Variants in SPTA1 observed in about 807,000 individuals in gnomAD.
The protein encoded by SPTA1 is spectrin alpha chain, erythrocytic 1.
In SPTA1, 177 loss-of-function variants were observed where a neutral mutation model predicts 324.7. The ratio of observed to expected loss-of-function variants is 0.55; its 90% CI spans 0.48 to 0.62. The LOEUF is 0.62. Among genes scored for constraint, SPTA1 ranks in the 20% least tolerant of loss-of-function variants. SPTA1 has a pLI of 0.00. For synonymous variants in SPTA1, 1,195 were observed against 1,041.3 expected (o/e 1.15, Z -2.84); for missense variants, 3,162 against 2,883.6 (o/e 1.10, Z -2.21).
chr1:158,619,049 G>T, intron 45 of SPTA1, 173 bp downstream of exon 45: 2 of 701,368 alleles, frequency 2.9e-6, no homozygotes, highest in Admixed American at 4.3e-5. Flanking sequence ...GGTTTTCCAA[G>T]AATTGATTCA....
rs999166912 is a variant in SPTA1, at chr1:158,626,852, TACC to T, written c.5817_5819del (p.Val1940del). The T allele has an allele frequency of 6.2e-7, 1 of 1,613,640 alleles. No individual in the cohort carries two copies. The highest frequency in any genetic ancestry group is 8.5e-7 in the Non-Finnish European group (1 of 1,179,698). ...GACACATCATACCTATCCAAGCCTCTACCACATCAGCCTTCCAGTTGAATTCCT... is the reference window on the plus strand; with the variant it reads ...GACACATCATACCTATCCAAGCCTCTACATCAGCCTTCCAGTTGAATTCCT... On this transcript the variant is annotated inframe_deletion, in exon 41 of 52. Transcript: ENST00000643759.
chr1:158,611,055 T>G lies in SPTA1; in HGVS notation c.*209A>C, dbSNP rs1220228862. 4 of 627,844 alleles carry G rather than the reference T, an allele frequency of 6.4e-6. No individual in the cohort carries two copies. The Admixed American group carries it at 1.1e-4, about 17-fold the overall frequency. The allele number at this position is 627,844 out of a possible 1,614,324, so 38.9% of individuals were successfully genotyped here. ...ACAAAATAGCTTCCACTCCTCCAAC[T>G]CTATTAACCTTTCTATCTCCCACCC... On this transcript the variant is annotated 3_prime_UTR_variant, in exon 52 of 52. Coordinates refer to ENST00000643759, the MANE Select transcript of SPTA1 (RefSeq NM_003126.4).
At chr1:158,654,959 C>CCCA (rs1439846115) in intron 20 of SPTA1, among the ~76,000 whole-genome samples, 1 of 151,964 alleles carries the variant, frequency 6.6e-6, no homozygotes, top group African/African-American at 2.4e-5. Flanking sequence ...GAACTATAAA[C>CCCA]CCAAAGCAAG....
At chr1:158,669,883 T>C in intron 12 of SPTA1, 97 bp from the exon 13 acceptor site, 1 of 1,202,530 alleles carries the variant, frequency 8.3e-7, no homozygotes, top group South Asian at 1.2e-5. Context: ...AGAACAGCAA[T>C]GTGGGAGGAG....
At chr1:158,617,976 T>C in intron 46 of SPTA1, 63 bp downstream of exon 46, 6 of 1,492,230 alleles carry the variant, frequency 4.0e-6, no homozygotes, top group Non-Finnish European at 5.6e-6. Flanking sequence ...ACTAACTCTT[T>C]CTTAACGAAT....
intron 47 of SPTA1, among the ~76,000 whole-genome samples, chr1:158,615,625 C>T (rs2779116): frequency 0.27 from 40,458 of 151,956 alleles, 5,551 homozygotes; most frequent in East Asian, 0.44. Flanking sequence ...TATTCTGCAA[C>T]ATATAAATCT....
At chr1:158,633,361 G>A (rs1571405103) in intron 39 of SPTA1, among the ~76,000 whole-genome samples, 1 of 152,126 alleles carries the variant, frequency 6.6e-6, no homozygotes, top group Non-Finnish European at 1.5e-5. Context: ...AACTGCATGT[G>A]AATCTATAAT....
At chr1:158,630,499 T>C (rs1414697924) in intron 39 of SPTA1, among the ~76,000 whole-genome samples, 1 of 152,096 alleles carries the variant, frequency 6.6e-6, no homozygotes, top group African/African-American at 2.4e-5. Flanking sequence ...CAAAATTGTT[T>C]AAAGACTTAA....
At position 158,668,075 on chromosome 1, in the gene SPTA1, GAA is replaced by G. The variant is rs3039789; in HGVS notation, c.1834-15_1834-14del. On this transcript the variant is annotated splice_polypyrimidine_tract_variant and intron_variant, in intron 14 of 51. Transcript: ENST00000643759. Reference sequence around the variant, plus strand: ...AGTTCTGTATGTCCTGAGATAAGATGAAAAAAAAAAAAAAAACCATTACCTGA... The same window carrying G: ...AGTTCTGTATGTCCTGAGATAAGATGAAAAAAAAAAAAAACCATTACCTGA... 0.049 allele frequency: 69,846 copies of G among 1,417,460 alleles called. 563 individuals are homozygous for G. The highest frequency in any genetic ancestry group is 0.16 in the African/African-American group (10,955 of 67,086). The allele number at this position is 1,417,460 out of a possible 1,614,324, so 87.8% of individuals were successfully genotyped here.
rs201170630 is a variant in SPTA1, at chr1:158,670,884, G to GA, written c.1599+458dup. Among the ~76,000 whole-genome samples, 3 of 149,322 alleles carry GA rather than the reference G, an allele frequency of 2.0e-5. No individual in the cohort carries two copies. The East Asian group carries it at 5.8e-4, about 29-fold the overall frequency. ...AAGATATTGCTAGAGAGGAAGAAATGAAAAAAAATAAAATTTCTAAGTAAT... is the reference window on the plus strand; with the variant it reads ...AAGATATTGCTAGAGAGGAAGAAATGAAAAAAAAATAAAATTTCTAAGTAAT... On this transcript the variant is annotated intron_variant, in intron 12 of 51. Coordinates refer to ENST00000643759, the MANE Select transcript of SPTA1 (RefSeq NM_003126.4).
At chr1:158,643,091 A>G in intron 31 of SPTA1, 115 bp from the exon 32 acceptor site, 2 of 1,424,348 alleles carry the variant, frequency 1.4e-6, no homozygotes, top group Admixed American at 2.0e-5. Flanking sequence ...ACATAGTCTT[A>G]TTATTTTCAT....
chr1:158,630,705 C>A (rs1307802491), intron 39 of SPTA1, among the ~76,000 whole-genome samples: 1 of 151,792 alleles, frequency 6.6e-6, no homozygotes, highest in African/African-American at 2.4e-5. Context: ...AAAGGCAGCC[C>A]ACTGAATGAG....
rs1177353050 is a variant in SPTA1, at chr1:158,659,595, A to ATTTTTTTTTTTTTTTTTTT, written c.2587+1673_2587+1691dup. ...AAAAGAAAATAATAGTCTTAGCATT[A>ATTTTTTTTTTTTTTTTTTT]TTTTTTTTTTTTTTTTTTTTTTTTT... On this transcript the variant is annotated intron_variant, in intron 18 of 51. Coordinates refer to ENST00000643759, the MANE Select transcript of SPTA1 (RefSeq NM_003126.4). Among the ~76,000 whole-genome samples the ATTTTTTTTTTTTTTTTTTT allele has an allele frequency of 1.0e-4, 7 of 68,780 alleles. 1 individual carries two copies. The highest frequency in any genetic ancestry group is 1.7e-4 in the Non-Finnish European group (5 of 30,036). The allele number at this position is 68,780 out of a possible 152,430, so 45.1% of individuals were successfully genotyped here. A position where few individuals can be genotyped will look rare whatever the true frequency, so the allele number is the denominator to read the frequency against.
intron 15 of SPTA1, among the ~76,000 whole-genome samples, chr1:158,667,639 C>A (rs762551425): frequency 2.0e-5 from 3 of 151,990 alleles, no homozygotes; most frequent in Non-Finnish European, 2.9e-5. Context: ...TTTTTAAAAA[C>A]CTTACACCCT....
intron 39 of SPTA1, 92 bp from the exon 40 acceptor site, chr1:158,627,815 G>T (rs987208827): frequency 2.4e-6 from 3 of 1,276,348 alleles, no homozygotes; most frequent in Non-Finnish European, 3.4e-6. Context: ...TATTCCCTAG[G>T]GTTGATTCAA....
chr1:158,643,470 C>G (rs1651766556), intron 30 of SPTA1, 45 bp from the exon 31 acceptor site: 1 of 1,576,344 alleles, frequency 6.3e-7, no homozygotes. Flanking sequence ...GGAGATTAGG[C>G]TCTTGGTGCA....
At chr1:158,645,891 G>A (rs893319014) in intron 27 of SPTA1, among the ~76,000 whole-genome samples, 1 of 152,082 alleles carries the variant, frequency 6.6e-6, no homozygotes, top group Non-Finnish European at 1.5e-5. Context: ...CCTTAGAAAA[G>A]GTAATTAATC....
chr1:158,644,971 G>GATC (rs373561350), intron 29 of SPTA1, among the ~76,000 whole-genome samples: 132 of 152,320 alleles, frequency 8.7e-4, no homozygotes, highest in African/African-American at 3.0e-3. Flanking sequence ...GCTCAGGACT[G>GATC]ATCACCATCT....
chr1:158,617,650 A>G (rs1557921524), intron 46 of SPTA1, 62 bp from the exon 47 acceptor site: 1 of 1,454,122 alleles, frequency 6.9e-7, no homozygotes, highest in Non-Finnish European at 9.7e-7. Flanking sequence ...TCATACATGC[A>G]TACCAACTCG....
Sources: gnomAD v4.1 joint callset for allele counts (sites outside exome capture counted in the v4.1 genomes callset) on GRCh38, gnomAD v4.1.1 for gene constraint, MANE v1.5 for transcripts, NCBI Gene and HGNC (gene_info 2026-07-23, HGNC 2026-07-21) for gene names.